SAXO2: variants seen among roughly 807,000 people sequenced by gnomAD.
SAXO2 encodes the protein family with sequence similarity 154, member B.
In SAXO2, 17 loss-of-function variants were observed where a neutral mutation model predicts 18.7. That is an observed-to-expected ratio of 0.91 (90% CI 0.62 to 1.36). SAXO2 has a LOEUF of 1.36. Among genes scored for constraint, SAXO2 ranks in the 40% most tolerant of loss-of-function variants. The pLI, the probability that SAXO2 is intolerant of heterozygous loss-of-function variation, is 0.00. For missense variants in SAXO2, 486 were observed against 562.6 expected (o/e 0.86, Z 1.38); for synonymous variants, 163 against 181.2 (o/e 0.90, Z 0.81).
intron 2 of SAXO2, among the ~76,000 whole-genome samples, chr15:82,267,654 G>T (rs907553693): frequency 1.3e-5 from 2 of 152,180 alleles, no homozygotes; most frequent in South Asian, 2.1e-4. Flanking sequence ...TATAGCAAAG[G>T]TGGAGACTTT....
intron 1 of SAXO2, chr15:82,263,557 T>C: frequency 1.6e-6 from 1 of 622,764 alleles, no homozygotes. Flanking sequence ...AGGGATTAGA[T>C]CATTATTTGC....
At chr15:82,268,124 T>C (rs1041669042) in intron 2 of SAXO2, among the ~76,000 whole-genome samples, 3 of 152,354 alleles carry the variant, frequency 2.0e-5, no homozygotes, top group Admixed American at 6.5e-5. Flanking sequence ...CTGGTTGAGA[T>C]TGATTAAATG....
At chr15:82,272,033 G>A (rs2075276806) in intron 3 of SAXO2, 2 of 434,202 alleles carry the variant, frequency 4.6e-6, no homozygotes, top group East Asian at 3.6e-5. Flanking sequence ...CATCTACTTT[G>A]TTAGTTTTCT....
chr15:82,273,760 T>C (rs2075292239), intron 3 of SAXO2, among the ~76,000 whole-genome samples: 1 of 152,052 alleles, frequency 6.6e-6, no homozygotes, highest in Non-Finnish European at 1.5e-5. Flanking sequence ...TTTTTTGAGA[T>C]TGAGTCTTGC....
chr15:82,265,455 T>C (rs1456390881), intron 1 of SAXO2, 114 bp from the exon 2 acceptor site: 1 of 866,098 alleles, frequency 1.2e-6, no homozygotes, highest in Admixed American at 4.4e-5. Context: ...TTTTTGGTTT[T>C]TTAGTAAAGC....
At chr15:82,272,604 C>G (rs896701882) in intron 3 of SAXO2, among the ~76,000 whole-genome samples, 2 of 152,084 alleles carry the variant, frequency 1.3e-5, no homozygotes, top group Non-Finnish European at 2.9e-5. Context: ...TGCAGTGGCA[C>G]GATCTTGGCC....
chr15:82,275,918 A>C (rs1459282390), intron 3 of SAXO2, among the ~76,000 whole-genome samples: 1 of 151,866 alleles, frequency 6.6e-6, no homozygotes, highest in Non-Finnish European at 1.5e-5. Context: ...ATCAAGCAAG[A>C]GAAAGAAAAG....
In SAXO2 at chr15:82,282,719, T is replaced by C. The variant is rs760626056; in HGVS notation, c.1034T>C (p.Met345Thr). 3 of 1,614,016 alleles carry C rather than the reference T, an allele frequency of 1.9e-6. No individual in the cohort carries two copies. The highest frequency in any genetic ancestry group is 2.5e-6 in the Non-Finnish European group (3 of 1,180,022). ...NNFPFQGKSI[M>T]KEDFPAWESC... ...TTTCCTTTCCAAGGAAAAAGCATCA[T>C]GAAAGAAGATTTTCCAGCATGGGAA... Residue 345 changes from methionine (M) to threonine (T), a missense_variant, in exon 4 of 4, where the codon ATG becomes ACG. Physicochemically the swap from Met to Thr is moderately conservative, Grantham distance 81. Coordinates refer to ENST00000682753, the MANE Select transcript of SAXO2 (RefSeq NM_001348699.2).
chr15:82,267,746 G>C (rs895691723), intron 2 of SAXO2, among the ~76,000 whole-genome samples: 2 of 152,142 alleles, frequency 1.3e-5, no homozygotes, highest in African/African-American at 4.8e-5. Context: ...CTAGTTACTA[G>C]TGTAGGGGTA....
rs185764227 is a variant in SAXO2 at position 82,277,840 on chromosome 15, G to A, written c.434-4279G>A. 2.0e-4 allele frequency among the ~76,000 whole-genome samples: 31 copies of A among 152,246 alleles called. No individual in the cohort carries two copies. In the East Asian group the frequency reaches 4.1e-3, roughly 20 times the overall value. On this transcript the variant is annotated intron_variant, in intron 3 of 3. Coordinates refer to ENST00000682753, the MANE Select transcript of SAXO2 (RefSeq NM_001348699.2). ...TAAAGACTTGAGTATGAGCTACTGCGAGAGTATAGAAGCTCTGAGAACTTC... is the reference window on the plus strand; with the variant it reads ...TAAAGACTTGAGTATGAGCTACTGCAAGAGTATAGAAGCTCTGAGAACTTC...
intron 3 of SAXO2, among the ~76,000 whole-genome samples, chr15:82,280,043 C>A (rs966099158): frequency 3.3e-5 from 5 of 152,080 alleles, no homozygotes; most frequent in Admixed American, 6.6e-5. Context: ...CTTGTTTTTC[C>A]ATAAGTATCA....
Position 82,283,194 on chromosome 15 carries a change from A to T in SAXO2, c.*132A>T, listed in dbSNP as rs1482011206. The T allele has an allele frequency of 5.3e-6, 3 of 562,572 alleles. No individual in the cohort carries two copies. 34.8% of individuals were successfully genotyped at this position (562,572 alleles called of 1,614,324 possible). On this transcript the variant is annotated 3_prime_UTR_variant, in exon 4 of 4. Coordinates refer to ENST00000682753, the MANE Select transcript of SAXO2 (RefSeq NM_001348699.2). ...TATTTTTAAACAAGAAAATTGGAAA[A>T]TATATTATAAGAAATCAGAATCTTA... is the stretch of plus-strand genomic sequence containing the variant.
intron 1 of SAXO2, 132 bp from the exon 2 acceptor site, chr15:82,265,437 C>A: frequency 1.8e-6 from 1 of 544,096 alleles, no homozygotes; most frequent in Non-Finnish European, 2.7e-6. Context: ...CCACTGTGCC[C>A]GGCCCAGTTT....
chr15:82,271,571 G>A (rs1250438359), intron 2 of SAXO2, 32 bp from the exon 3 acceptor site: 1 of 1,521,820 alleles, frequency 6.6e-7, no homozygotes, highest in Non-Finnish European at 8.9e-7. Flanking sequence ...AAAAGAACTT[G>A]TGAGGCTATG....
chr15:82,271,567 A>G (rs2075271080), intron 2 of SAXO2, 36 bp from the exon 3 acceptor site: 1 of 1,510,684 alleles, frequency 6.6e-7, no homozygotes, highest in African/African-American at 1.4e-5. Flanking sequence ...GAATAAAAGA[A>G]CTTGTGAGGC....
At chr15:82,276,842 A>G (rs1340736480) in intron 3 of SAXO2, among the ~76,000 whole-genome samples, 2 of 152,250 alleles carry the variant, frequency 1.3e-5, no homozygotes, top group African/African-American at 4.8e-5. Flanking sequence ...GAAATTCTTC[A>G]GTTAAAAGGA....
chr15:82,272,908 G>C (rs1171895127), intron 3 of SAXO2, among the ~76,000 whole-genome samples: 2 of 150,158 alleles, frequency 1.3e-5, no homozygotes, highest in African/African-American at 2.5e-5. Context: ...TTAAACACAG[G>C]CTGTTTTTTT....
Position 82,283,010 on chromosome 15 carries a change from C to G in SAXO2, c.1325C>G (p.Ser442Cys). Reference protein sequence around the residue: ...PPGYIFDNTNSQGHKFFRKII... With the variant: ...PPGYIFDNTNCQGHKFFRKII... Reference sequence around the variant, plus strand: ...GGTTATATTTTCGACAATACAAATTCCCAAGGTCATAAATTCTTCCGCAAG... The same window carrying G: ...GGTTATATTTTCGACAATACAAATTGCCAAGGTCATAAATTCTTCCGCAAG... The change falls in exon 4 of 4, where the codon TCC becomes TGC. Residue 442 changes from serine to cysteine, a missense_variant. Ser to Cys is a moderately radical substitution (Grantham distance 112). Coordinates refer to ENST00000682753, the MANE Select transcript of SAXO2 (RefSeq NM_001348699.2). 8 of 1,613,770 alleles carry G rather than the reference C, an allele frequency of 5.0e-6. No individual in the cohort carries two copies. The highest frequency in any genetic ancestry group is 6.8e-6 in the Non-Finnish European group (8 of 1,179,926).
intron 3 of SAXO2, among the ~76,000 whole-genome samples, chr15:82,277,142 A>G (rs2075322027): frequency 6.6e-6 from 1 of 152,194 alleles, no homozygotes; most frequent in Non-Finnish European, 1.5e-5. Flanking sequence ...TTTTTAAAAT[A>G]TAGAAAGTTA....
Sources: allele counts gnomAD v4.1 joint callset (sites outside exome capture counted in the v4.1 genomes callset), GRCh38; gene constraint gnomAD v4.1.1; transcripts MANE v1.5; gene names NCBI Gene and HGNC (gene_info 2026-07-23, HGNC 2026-07-21).